The following RBFOX1 variants were observed in gnomAD, a reference collection of about 807,000 sequenced individuals.
RBFOX1 encodes RNA binding fox-1 homolog 1.
RBFOX1 carries 8 observed loss-of-function variants against 57.7 expected under a neutral mutation model. The ratio of observed to expected loss-of-function variants is 0.14; its 90% CI spans 0.08 to 0.25. RBFOX1 has a LOEUF of 0.25. RBFOX1 is among the 10% of genes least tolerant of loss of function. The pLI is 1.00. For synonymous variants in RBFOX1, 326 were observed against 222.4 expected (o/e 1.47, Z -4.15); for missense variants, 611 against 548.5 (o/e 1.11, Z -1.14).
intron 3 of RBFOX1, among the ~76,000 whole-genome samples, chr16:6,673,282 A>C (rs1367972626): frequency 2.0e-5 from 3 of 152,112 alleles, no homozygotes; most frequent in Non-Finnish European, 4.4e-5. Context: ...AGTTGCAAGT[A>C]CCAGTCATTC....
intron 2 of RBFOX1, among the ~76,000 whole-genome samples, chr16:5,489,997 TGTC>T (rs1255745835): frequency 6.6e-6 from 1 of 152,238 alleles, no homozygotes; most frequent in Non-Finnish European, 1.5e-5. Context: ...CACTGCTGTC[TGTC>T]TTGGTGCTGC....
chr16:7,654,862 C>G (rs1278107536), intron 12 of RBFOX1, among the ~76,000 whole-genome samples: 1 of 152,138 alleles, frequency 6.6e-6, no homozygotes, highest in Non-Finnish European at 1.5e-5. Flanking sequence ...TGGGTAGAGT[C>G]TAGGGATGTT....
At chr16:6,843,376 G>GC (rs1307879748) in intron 3 of RBFOX1, among the ~76,000 whole-genome samples, 1 of 151,950 alleles carries the variant, frequency 6.6e-6, no homozygotes, top group Non-Finnish European at 1.5e-5. Flanking sequence ...TTTTTGTATA[G>GC]CCCAATCTTA....
At chr16:6,557,018 T>TATATATAC (rs1217200493) in intron 2 of RBFOX1, among the ~76,000 whole-genome samples, 2 of 125,698 alleles carry the variant, frequency 1.6e-5, no homozygotes, top group African/African-American at 8.0e-5. Context: ...TATATATACA[T>TATATATAC]ATATATACAT....
intron 4 of RBFOX1, among the ~76,000 whole-genome samples, chr16:7,339,883 C>G (rs1445302564): frequency 6.6e-6 from 1 of 152,238 alleles, no homozygotes. Context: ...CTGTCACTCT[C>G]CACCTCTCCA....
chr16:7,122,608 T>G (rs936658376), intron 4 of RBFOX1, among the ~76,000 whole-genome samples: 1 of 152,208 alleles, frequency 6.6e-6, no homozygotes, highest in African/African-American at 2.4e-5. Context: ...GGATTTCTCC[T>G]GTACTGCTGG....
intron 5 of RBFOX1, among the ~76,000 whole-genome samples, chr16:7,552,754 C>G (rs2086946646): frequency 6.6e-6 from 1 of 152,160 alleles, no homozygotes. Flanking sequence ...GTGATCTCAG[C>G]TCACTGCAAC....
At chr16:6,906,311 A>G (rs771832959) in intron 3 of RBFOX1, among the ~76,000 whole-genome samples, 7 of 152,076 alleles carry the variant, frequency 4.6e-5, no homozygotes, top group Non-Finnish European at 1.0e-4. Context: ...CTGGGGTAAT[A>G]AAATTGTATT....
At chr16:6,465,791 C>G (rs2095035130) in intron 2 of RBFOX1, among the ~76,000 whole-genome samples, 1 of 150,542 alleles carries the variant, frequency 6.6e-6, no homozygotes, top group Non-Finnish European at 1.5e-5. Context: ...CTTTGCAGGA[C>G]AAAAGAAATG....
chr16:7,285,579 T>G (rs143308615), intron 4 of RBFOX1, among the ~76,000 whole-genome samples: 3 of 150,514 alleles, frequency 2.0e-5, no homozygotes, highest in African/African-American at 7.3e-5. Flanking sequence ...TGGCAAACAC[T>G]AATTTTCTCT....
chr16:7,462,551 A>G (rs972557987), intron 4 of RBFOX1, among the ~76,000 whole-genome samples: 5 of 152,374 alleles, frequency 3.3e-5, no homozygotes, highest in African/African-American at 1.2e-4. Flanking sequence ...TCTGTGGGTT[A>G]GAAGTGTAAC....
chr16:6,958,851 G>T (rs948651648), intron 3 of RBFOX1, among the ~76,000 whole-genome samples: 1 of 152,122 alleles, frequency 6.6e-6, no homozygotes, highest in Non-Finnish European at 1.5e-5. Flanking sequence ...GATTTTCAAG[G>T]AGGTATCTTT....
intron 4 of RBFOX1, among the ~76,000 whole-genome samples, chr16:6,013,280 A>C (rs1194989408): frequency 6.6e-6 from 1 of 152,234 alleles, no homozygotes; most frequent in Non-Finnish European, 1.5e-5. Flanking sequence ...CCCTAAATCA[A>C]AGACACAGCT....
chr16:6,796,851 A>G (rs575645313), intron 3 of RBFOX1, among the ~76,000 whole-genome samples: 5 of 152,310 alleles, frequency 3.3e-5, no homozygotes, highest in South Asian at 2.1e-4. Context: ...ATAGAAGACA[A>G]TAAGTTGCAT....
At chr16:6,132,548 A>C (rs543723638) in intron 1 of RBFOX1, among the ~76,000 whole-genome samples, 2 of 152,280 alleles carry the variant, frequency 1.3e-5, no homozygotes, top group Admixed American at 6.5e-5. Flanking sequence ...TACGGTACCT[A>C]CTGCCATAAG....
chr16:7,200,369 A>G (rs2088027423), intron 4 of RBFOX1, among the ~76,000 whole-genome samples: 1 of 152,222 alleles, frequency 6.6e-6, no homozygotes, highest in Non-Finnish European at 1.5e-5. Context: ...GGAAGCACGC[A>G]TGTGCATCGT....
intron 3 of RBFOX1, among the ~76,000 whole-genome samples, chr16:5,855,214 G>A (rs1255823908): frequency 6.6e-6 from 1 of 152,162 alleles, no homozygotes; most frequent in African/African-American, 2.4e-5. Context: ...CTGTGCAGAA[G>A]ATTTTTAGTT....
At chr16:6,221,738 G>T (rs115538240) in intron 1 of RBFOX1, among the ~76,000 whole-genome samples, 3,304 of 152,200 alleles carry the variant, frequency 0.022, 111 homozygotes, top group African/African-American at 0.072. Context: ...CTTATGTGGT[G>T]GCTGGCAAAG....
intron 2 of RBFOX1, among the ~76,000 whole-genome samples, chr16:6,355,744 C>G (rs1367006940): frequency 6.6e-6 from 1 of 152,184 alleles, no homozygotes; most frequent in East Asian, 1.9e-4. Flanking sequence ...AATTTACACT[C>G]CCACCAACAG....
Sources: gnomAD v4.1 joint callset for allele counts (sites outside exome capture counted in the v4.1 genomes callset) on GRCh38, gnomAD v4.1.1 for gene constraint, MANE v1.5 for transcripts, NCBI Gene and HGNC (gene_info 2026-07-23, HGNC 2026-07-21) for gene names.